The following PXDNL variants were observed in gnomAD, a reference collection of about 807,000 sequenced individuals.
PXDNL encodes the protein probable oxidoreductase PXDNL.
PXDNL carries 145 observed loss-of-function variants against 150.8 expected under a neutral mutation model. The observed-to-expected ratio is 0.96, with a 90% CI of 0.84 to 1.10. The LOEUF is 1.10. PXDNL is among the 50% of genes least tolerant of loss of function. The probability of loss-of-function intolerance (pLI) is 0.00; values close to 1 mark genes in which losing one functional copy is unlikely to be tolerated. For synonymous variants in PXDNL, 757 were observed against 725.7 expected, an observed-to-expected ratio of 1.04 and a Z score of -0.69; for missense variants, 2,087 against 1,873.9, an observed-to-expected ratio of 1.11 and a Z score of -2.10.
intron 2 of PXDNL, among the ~76,000 whole-genome samples, chr8:51,624,686 A>AT (rs1563487213): frequency 9.2e-4 from 137 of 148,452 alleles, no homozygotes; most frequent in Middle Eastern, 3.6e-3. Context: ...TTATATATAT[A>AT]ATATATATGT....
chr8:51,577,166 G>A (rs78381810), intron 3 of PXDNL, among the ~76,000 whole-genome samples: 1,964 of 151,752 alleles, frequency 0.013, 46 homozygotes, highest in African/African-American at 0.045. Context: ...GTATTAATGC[G>A]ATACCAAAAC....
chr8:51,670,130 C>T (rs369824483), intron 1 of PXDNL, among the ~76,000 whole-genome samples: 189 of 152,130 alleles, frequency 1.2e-3, no homozygotes, highest in African/African-American at 4.3e-3. Flanking sequence ...CCCAGCTACT[C>T]GGGCAGCTGA....
At chr8:51,632,921 G>A (rs1430444703) in intron 2 of PXDNL, among the ~76,000 whole-genome samples, 7 of 151,902 alleles carry the variant, frequency 4.6e-5, no homozygotes, top group African/African-American at 2.4e-5. Flanking sequence ...TTAGATTCAG[G>A]GGGTACATGT....
chr8:51,388,166 A>G (rs1464598627), intron 17 of PXDNL, among the ~76,000 whole-genome samples: 1 of 152,174 alleles, frequency 6.6e-6, no homozygotes, highest in African/African-American at 2.4e-5. Context: ...TAATTTTTCA[A>G]TGATTTCAAA....
chr8:51,327,066 C>G (rs1365918076), intron 21 of PXDNL, among the ~76,000 whole-genome samples: 1 of 152,168 alleles, frequency 6.6e-6, no homozygotes, highest in Non-Finnish European at 1.5e-5. Context: ...CTTCTATTGC[C>G]TATCTCCTTC....
intron 4 of PXDNL, among the ~76,000 whole-genome samples, chr8:51,550,554 C>A (rs976475353): frequency 1.3e-5 from 2 of 151,984 alleles, no homozygotes; most frequent in Admixed American, 1.3e-4. Flanking sequence ...ATGTGATACA[C>A]CACATAAACA....
intron 4 of PXDNL, among the ~76,000 whole-genome samples, chr8:51,509,055 A>G (rs1003228246): frequency 6.6e-6 from 1 of 152,034 alleles, no homozygotes; most frequent in Non-Finnish European, 1.5e-5. Flanking sequence ...AAAGCAACCA[A>G]CTGGTCCCCC....
intron 14 of PXDNL, among the ~76,000 whole-genome samples, chr8:51,420,910 G>A (rs561328782): frequency 1.9e-4 from 29 of 152,216 alleles, no homozygotes; most frequent in African/African-American, 6.7e-4. Context: ...GGCTGGTCTC[G>A]AACTCCTGAC....
intron 17 of PXDNL, among the ~76,000 whole-genome samples, chr8:51,397,981 G>T (rs73579671): frequency 0.027 from 4,092 of 150,450 alleles, 167 homozygotes; most frequent in African/African-American, 0.095. Flanking sequence ...TTAAACAATT[G>T]CTCAGGAGCT....
intron 4 of PXDNL, among the ~76,000 whole-genome samples, chr8:51,518,101 T>C (rs72638045): frequency 0.027 from 4,066 of 152,328 alleles, 87 homozygotes; most frequent in Non-Finnish European, 0.041. Context: ...TCTTGTTTTG[T>C]TTTTATCATA....
chr8:51,387,847 T>C (rs1206967129), intron 17 of PXDNL, among the ~76,000 whole-genome samples: 1 of 151,818 alleles, frequency 6.6e-6, no homozygotes, highest in African/African-American at 2.4e-5. Flanking sequence ...TCTAATATAA[T>C]GCCCTATATT....
intron 14 of PXDNL, among the ~76,000 whole-genome samples, chr8:51,417,999 T>C (rs1231362126): frequency 6.6e-6 from 1 of 152,208 alleles, no homozygotes; most frequent in Non-Finnish European, 1.5e-5. Flanking sequence ...TTTAAACTAT[T>C]CAAACACTAC....
intron 9 of PXDNL, among the ~76,000 whole-genome samples, chr8:51,456,685 G>T (rs78510669): frequency 6.6e-6 from 1 of 152,082 alleles, no homozygotes; most frequent in African/African-American, 2.4e-5. Context: ...GTGTCTGCAC[G>T]CTAGAAGTGC....
chr8:51,332,948 G>T (rs1271717724), intron 21 of PXDNL, among the ~76,000 whole-genome samples: 1 of 152,180 alleles, frequency 6.6e-6, no homozygotes, highest in Non-Finnish European at 1.5e-5. Context: ...CCCCAGCCTT[G>T]CCAGAGACCT....
intron 17 of PXDNL, among the ~76,000 whole-genome samples, chr8:51,392,414 T>C (rs1468197144): frequency 6.6e-6 from 1 of 152,184 alleles, no homozygotes; most frequent in Admixed American, 6.5e-5. Context: ...TTTTATTTCA[T>C]TGAGCAGTGG....
At chr8:51,628,647 C>CCCA (rs747304459) in intron 2 of PXDNL, among the ~76,000 whole-genome samples, 24 of 151,848 alleles carry the variant, frequency 1.6e-4, no homozygotes, top group Non-Finnish European at 2.9e-4. Context: ...TTGTGATCCA[C>CCCA]CCACCTTGGC....
At chr8:51,625,515 A>C (rs1291265914) in intron 2 of PXDNL, among the ~76,000 whole-genome samples, 1 of 152,184 alleles carries the variant, frequency 6.6e-6, no homozygotes, top group Non-Finnish European at 1.5e-5. Flanking sequence ...TAAAAAATAA[A>C]ATACACGATA....
rs11306659 is a variant in PXDNL, at chr8:51,502,666, G to GT, written c.381-2897dup. On this transcript the variant is annotated intron_variant, in intron 4 of 22. Coordinates refer to ENST00000356297, the MANE Select transcript of PXDNL (RefSeq NM_144651.5). ...GCTTATGTATAAGCCCAGTAGAAGT[G>GT]TTTTTTTTTTTCCTTTCAACTTTTT... Among the ~76,000 whole-genome samples, 790 of 147,926 alleles carry GT rather than the reference G, an allele frequency of 5.3e-3. 4 individuals carry two copies. The highest frequency in any genetic ancestry group is 7.5e-3 in the Non-Finnish European group (496 of 66,544).
At position 51,423,617 on chromosome 8, in the gene PXDNL, A is replaced by T; in HGVS notation, c.1753T>A (p.Ser585Thr). The T allele has an allele frequency of 6.2e-7, 1 of 1,613,850 alleles. No individual in the cohort carries two copies. Among genetic ancestry groups the T allele is most frequent in the Non-Finnish European group, 8.5e-7 (1 of 1,179,820 alleles). Reference sequence around the variant, plus strand: ...ATGTTGGTCACAGCAAGGCCAAAAGAATTCCGAGCCACACATTCATATCTT... The same window carrying T: ...ATGTTGGTCACAGCAAGGCCAAAAGTATTCCGAGCCACACATTCATATCTT... ...QGRYECVARN[S>T]FGLAVTNMFL... is the part of the protein sequence containing the mutation. Residue 585 changes from serine (S) to threonine (T), a missense_variant, in exon 14 of 23, where the codon TCT becomes ACT. Transcript: ENST00000356297.
Sources: gnomAD v4.1 joint callset for allele counts (sites outside exome capture counted in the v4.1 genomes callset) on GRCh38, gnomAD v4.1.1 for gene constraint, MANE v1.5 for transcripts, NCBI Gene and HGNC (gene_info 2026-07-23, HGNC 2026-07-21) for gene names.